Variants in ADGRB2 observed in about 807,000 individuals in gnomAD.
ADGRB2 encodes the protein adhesion G protein-coupled receptor B2, also known as brain-specific angiogenesis inhibitor 2.
A neutral mutation model predicts 178.7 loss-of-function variants in ADGRB2; 47 were observed. The observed-to-expected ratio is 0.26, with a 90% CI of 0.21 to 0.34. ADGRB2 has a LOEUF of 0.34. Ranked by LOEUF, ADGRB2 falls within the 10% of genes least tolerant of loss-of-function variation. The pLI is 1.00. For synonymous variants in ADGRB2, 870 were observed against 912.4 expected (o/e 0.95, Z 0.84); for missense variants, 1,584 against 2,180.8 (o/e 0.73, Z 5.45).
In ADGRB2 at chr1:31,741,294, C is replaced by T. The variant is rs998619487; in HGVS notation, c.1794+79G>A. The T allele has an allele frequency of 8.4e-6, 12 of 1,425,508 alleles. No individual in the cohort carries two copies. The highest frequency in any genetic ancestry group is 2.5e-5 in the East Asian group (1 of 40,274). The allele number at this position is 1,425,508 out of a possible 1,614,324, so 88.3% of individuals were successfully genotyped here. A position where few individuals can be genotyped will look rare whatever the true frequency, so the allele number is the denominator to read the frequency against. Reference sequence around the variant, plus strand: ...ATATGCCAAGGCACGTGGGAACGAGCGAGAATCACGCTCCCTCCACCCCCT... The same window carrying T: ...ATATGCCAAGGCACGTGGGAACGAGTGAGAATCACGCTCCCTCCACCCCCT... On this transcript the variant is annotated intron_variant, in intron 11 of 32. Coordinates refer to ENST00000373658, the MANE Select transcript of ADGRB2 (RefSeq NM_001364857.2). This position sits in a 1 kb window ranked among gnomAD's most constrained non-coding sequence, Gnocchi z 6.5.
chr1:31,755,763 T>C lies in ADGRB2; in HGVS notation c.838+236A>G, dbSNP rs780081323. Among the ~76,000 whole-genome samples, 3 of 152,020 alleles carry C rather than the reference T, an allele frequency of 2.0e-5. No individual in the cohort carries two copies. The highest frequency in any genetic ancestry group is 4.4e-5 in the Non-Finnish European group (3 of 68,010). On this transcript the variant is annotated intron_variant, in intron 4 of 32. Coordinates refer to ENST00000373658, the MANE Select transcript of ADGRB2 (RefSeq NM_001364857.2). The surrounding 1 kb of genome is among the most constrained non-coding windows in gnomAD (Gnocchi z 5.1). ...GTTAGGAGGTCCCTCCCTGGGTTTA[T>C]ATATCACCCTGCATTATCTGATCTG...
At chr1:31,743,843 G>C (rs1646122357) in intron 6 of ADGRB2, among the ~76,000 whole-genome samples, 1 of 152,260 alleles carries the variant, frequency 6.6e-6, no homozygotes. Context: ...CAGGGAGAAA[G>C]GATAGGACAA....
At chr1:31,751,915 C>T (rs1646591112) in intron 4 of ADGRB2, among the ~76,000 whole-genome samples, 1 of 152,188 alleles carries the variant, frequency 6.6e-6, no homozygotes, top group South Asian at 2.1e-4. Flanking sequence ...TAGGCATCTA[C>T]CATGTGCCAG....
chr1:31,743,137 TG>T, intron 6 of ADGRB2, 135 bp from the exon 7 acceptor site: 1 of 1,077,796 alleles, frequency 9.3e-7, no homozygotes, highest in Non-Finnish European at 1.2e-6. Context: ...CGGGATCTGT[TG>T]CCAGGGGGAT....
chr1:31,756,365 CGAA>C lies in ADGRB2; in HGVS notation c.469_471del (p.Phe157del). ...GGCTCAGCCGACAGGCACAGCTGCA[CGAA>C]GTTCTTGTCGAAGTGCAGGAAGGTA... On this transcript the variant is annotated inframe_deletion, in exon 4 of 33. Transcript: ENST00000373658. This position sits in a 1 kb window ranked among gnomAD's most constrained non-coding sequence, Gnocchi z 8.5. 6.2e-7 allele frequency: 1 copy of C among 1,612,988 alleles called. No homozygotes were observed. Among genetic ancestry groups the C allele is most frequent in the Non-Finnish European group, 8.5e-7 (1 of 1,179,966 alleles).
chr1:31,741,945 T>G lies in ADGRB2; in HGVS notation c.1440A>C (p.Pro480=), dbSNP rs141833861. 3.4e-5 allele frequency: 54 copies of G among 1,595,722 alleles called. No homozygotes were observed. In the Middle Eastern group the frequency reaches 8.3e-4, roughly 25 times the overall value. Residue 480 remains proline, a synonymous_variant, in exon 9 of 33, where the codon CCA becomes CCC. Transcript: ENST00000373658. This position sits in a 1 kb window ranked among gnomAD's most constrained non-coding sequence, Gnocchi z 6.5. The part of the protein sequence containing the change: ...ECPATDSKWG[P]WNAWSLCSKT... ...TAGAGCACAGGCTCCACGCATTCCATGGCCCCCACTTGCTATCAGTGGCTG... is the reference window on the plus strand; with the variant it reads ...TAGAGCACAGGCTCCACGCATTCCAGGGCCCCCACTTGCTATCAGTGGCTG...
chr1:31,758,867 C>T lies in ADGRB2; in HGVS notation c.-190-1356G>A, dbSNP rs1646953444. ...CACCCTACATCATGCCTGTCCCACA[C>T]TGCTCAGCTCGCCCCACCTGCTGCG... On this transcript the variant is annotated intron_variant, in intron 1 of 32. Coordinates refer to ENST00000373658, the MANE Select transcript of ADGRB2 (RefSeq NM_001364857.2). This position sits in a 1 kb window ranked among gnomAD's most constrained non-coding sequence, Gnocchi z 4.2. 4.8e-6 allele frequency: 1 copy of T among 209,952 alleles called. No individual in the cohort carries two copies. The highest frequency in any genetic ancestry group is 2.3e-5 in the African/African-American group (1 of 43,582). The allele number at this position is 209,952 out of a possible 1,614,324, so 13.0% of individuals were successfully genotyped here.
Position 31,733,818 on chromosome 1 carries a change from C to A in ADGRB2, c.3453-675G>T, listed in dbSNP as rs1377876225. Among the ~76,000 whole-genome samples, 3 of 152,128 alleles carry A rather than the reference C, an allele frequency of 2.0e-5. No homozygotes were observed. Among genetic ancestry groups the A allele is most frequent in the African/African-American group, 7.2e-5 (3 of 41,422 alleles). The stretch of plus-strand genomic sequence containing the variant: ...GGCCTACACCTCCCTGGCCTCCCTG[C>A]CAGGGGAGGGCAGAAAAAAAGCAGA... On this transcript the variant is annotated intron_variant, in intron 25 of 32. Coordinates refer to ENST00000373658, the MANE Select transcript of ADGRB2 (RefSeq NM_001364857.2). This position sits in a 1 kb window ranked among gnomAD's most constrained non-coding sequence, Gnocchi z 4.3.
rs974428168 is a variant in ADGRB2 at position 31,754,921 on chromosome 1, C to T, written c.838+1078G>A. 3.3e-5 allele frequency among the ~76,000 whole-genome samples: 5 copies of T among 152,196 alleles called. No individual in the cohort carries two copies. Among genetic ancestry groups the T allele is most frequent in the Non-Finnish European group, 7.4e-5 (5 of 68,018 alleles). On this transcript the variant is annotated intron_variant, in intron 4 of 32. Transcript: ENST00000373658. The surrounding 1 kb of genome is among the most constrained non-coding windows in gnomAD (Gnocchi z 5.7). ...GCTCTCCTCCAGCACTCCTAGCAGCCCTCACATGATACCCTGTCTCCTTGT... is the reference window on the plus strand; with the variant it reads ...GCTCTCCTCCAGCACTCCTAGCAGCTCTCACATGATACCCTGTCTCCTTGT...
chr1:31,733,206 A>C lies in ADGRB2; in HGVS notation c.3453-63T>G. ...CCGGGGGACAGGATGGCTTGAGCCT[A>C]GGCCTCCACTCAGCTGGAGCTCTTC... On this transcript the variant is annotated intron_variant, in intron 25 of 32. Coordinates refer to ENST00000373658, the MANE Select transcript of ADGRB2 (RefSeq NM_001364857.2). The surrounding 1 kb of genome is among the most constrained non-coding windows in gnomAD (Gnocchi z 4.3). 2 of 1,514,982 alleles carry C rather than the reference A, an allele frequency of 1.3e-6. No individual in the cohort carries two copies. The highest frequency in any genetic ancestry group is 4.9e-5 in the East Asian group (2 of 40,626). 93.8% of individuals were successfully genotyped at this position (1,514,982 alleles called of 1,614,324 possible).
chr1:31,761,486 T>C lies in ADGRB2; in HGVS notation c.-191+2398A>G, dbSNP rs1408970343. On this transcript the variant is annotated intron_variant, in intron 1 of 32. Coordinates refer to ENST00000373658, the MANE Select transcript of ADGRB2 (RefSeq NM_001364857.2). This position sits in a 1 kb window ranked among gnomAD's most constrained non-coding sequence, Gnocchi z 4.2. ...GCTGCCTGCCTTCGGGGACTCTGAC[T>C]GGGGTTTCTTCTCTGTACTTCTCCC... Among the ~76,000 whole-genome samples the C allele has an allele frequency of 6.6e-6, 1 of 152,196 alleles. No homozygotes were observed. The highest frequency in any genetic ancestry group is 1.5e-5 in the Non-Finnish European group (1 of 68,024).
intron 14 of ADGRB2, 129 bp downstream of exon 14, chr1:31,739,797 C>A (rs1016956422): frequency 1.3e-5 from 15 of 1,186,714 alleles, no homozygotes; most frequent in Non-Finnish European, 1.7e-5. Context: ...GAGAAACAGA[C>A]CACACATAGA....
chr1:31,739,513 C>T lies in ADGRB2; in HGVS notation c.2290G>A (p.Glu764Lys). The change falls in exon 15 of 33, where the codon GAG (glutamate) becomes AAG (lysine). Residue 764 changes from glutamate to lysine, a missense_variant. Glu to Lys is a moderately conservative substitution (Grantham distance 56). Around this residue, in one of 3 missense-constraint regions of ADGRB2, gnomAD observed 865 missense variants for 1,192.8 expected, o/e 0.73. Transcript: ENST00000373658. ...HSEDRLFLPK[E>K]VLSLSSPGKP... ...CCTGGGGAGGAGAGGCTGAGCACCT[C>T]CTTGGGCAGGAAGAGGCGGTCCTCT... is the stretch of plus-strand genomic sequence containing the variant. The T allele has an allele frequency of 6.2e-7, 1 of 1,613,126 alleles. No homozygotes were observed. Among genetic ancestry groups the T allele is most frequent in the Non-Finnish European group, 8.5e-7 (1 of 1,179,940 alleles).
chr1:31,739,812 G>C (rs1645834637), intron 14 of ADGRB2, 114 bp downstream of exon 14: 1 of 1,220,604 alleles, frequency 8.2e-7, no homozygotes, highest in Non-Finnish European at 1.2e-6. Context: ...CATAGATGAA[G>C]GAGAGGGTAG....
chr1:31,733,191 G>C lies in ADGRB2; in HGVS notation c.3453-48C>G, dbSNP rs767680069. ...CATCAGAGTGACACTCCGGGGGACA[G>C]GATGGCTTGAGCCTAGGCCTCCACT... On this transcript the variant is annotated intron_variant, in intron 25 of 32. Transcript: ENST00000373658. This position sits in a 1 kb window ranked among gnomAD's most constrained non-coding sequence, Gnocchi z 4.3. 53 of 1,540,552 alleles carry C rather than the reference G, an allele frequency of 3.4e-5. 1 individual carries two copies. The South Asian group carries it at 6.4e-4, about 19-fold the overall frequency.
In ADGRB2 at chr1:31,761,890, C is replaced by T. The variant is rs1647050744; in HGVS notation, c.-191+1994G>A. On this transcript the variant is annotated intron_variant, in intron 1 of 32. Coordinates refer to ENST00000373658, the MANE Select transcript of ADGRB2 (RefSeq NM_001364857.2). The surrounding 1 kb of genome is among the most constrained non-coding windows in gnomAD (Gnocchi z 4.2). ...GTGCCAGACACTCTATACAAACAACCTAACTTCATTCTCCCAACAGCTATA... is the reference window on the plus strand; with the variant it reads ...GTGCCAGACACTCTATACAAACAACTTAACTTCATTCTCCCAACAGCTATA... Among the ~76,000 whole-genome samples the T allele has an allele frequency of 6.6e-6, 1 of 152,160 alleles. No individual in the cohort carries two copies. The highest frequency in any genetic ancestry group is 2.4e-5 in the African/African-American group (1 of 41,412).
chr1:31,732,404 CA>C, intron 27 of ADGRB2, 112 bp downstream of exon 27: 1 of 1,341,642 alleles, frequency 7.5e-7, no homozygotes, highest in Non-Finnish European at 1.0e-6. Context: ...GAATCAAACC[CA>C]ATCCCTGTCC....
intron 20 of ADGRB2, 126 bp from the exon 21 acceptor site, chr1:31,736,849 C>T: frequency 2.8e-6 from 4 of 1,411,328 alleles, no homozygotes; most frequent in Non-Finnish European, 9.4e-7. Flanking sequence ...CCCACAGAGC[C>T]CTGCCAGGCA....
chr1:31,752,137 C>T (rs1344159031), intron 4 of ADGRB2, among the ~76,000 whole-genome samples: 2 of 152,168 alleles, frequency 1.3e-5, no homozygotes, highest in Non-Finnish European at 2.9e-5. Flanking sequence ...AGTGCTCTCC[C>T]TCCCCCACCG....
Sources: allele counts gnomAD v4.1 joint callset (sites outside exome capture counted in the v4.1 genomes callset), GRCh38; gene constraint gnomAD v4.1.1; regional missense constraint gnomAD v4.1.1; non-coding constraint Gnocchi (gnomAD v3.1); transcripts MANE v1.5; gene names NCBI Gene and HGNC (gene_info 2026-07-23, HGNC 2026-07-21).